ATG2A: variants seen among roughly 807,000 people sequenced by gnomAD.
The protein encoded by ATG2A is autophagy-related protein 2 homolog A.
Under a neutral mutation model 214.2 loss-of-function variants are expected in ATG2A, and 103 were observed. The observed-to-expected ratio is 0.48, with a 90% CI of 0.41 to 0.57. The LOEUF (loss-of-function observed/expected upper bound fraction) is 0.57, where lower values mean the gene tolerates loss of function less well. ATG2A is among the 20% of genes least tolerant of loss of function. ATG2A has a pLI of 0.00. For synonymous variants in ATG2A, 1,160 were observed against 1,142.1 expected, an observed-to-expected ratio of 1.02 and a Z score of -0.32; for missense variants, 2,312 against 2,613.2, an observed-to-expected ratio of 0.88 and a Z score of 2.51.
intron 9 of ATG2A, 106 bp downstream of exon 9, chr11:64,911,736 T>C: frequency 1.4e-6 from 2 of 1,470,590 alleles, no homozygotes; most frequent in Non-Finnish European, 1.8e-6. Flanking sequence ...ATGGTAGATA[T>C]CCAGGCATCG....
chr11:64,907,364 C>A lies in ATG2A; in HGVS notation c.2723G>T (p.Gly908Val). ...DAHFFSVGAS[G>V]GPQAAAPEAP... ...CTCAGGGGCAGCGGCCTGTGGGCCA[C>A]CTGATGCCCCCACTGAGAAGAAGTG... is the stretch of plus-strand genomic sequence containing the variant. The change falls in exon 19 of 41, where the codon GGT (glycine) becomes GTT (valine). Residue 908 changes from glycine to valine, a missense_variant. Physicochemically the swap from Gly to Val is moderately radical, Grantham distance 109. Transcript: ENST00000377264. 1 of 1,560,482 alleles carries A rather than the reference C, an allele frequency of 6.4e-7. No homozygotes were observed. The highest frequency in any genetic ancestry group is 8.7e-7 in the Non-Finnish European group (1 of 1,152,526).
Position 64,911,150 on chromosome 11 carries a change from C to A in ATG2A, c.1354G>T (p.Ala452Ser). The change falls in exon 10 of 41, where the codon GCC (alanine) becomes TCC (serine). Residue 452 changes from alanine to serine, a missense_variant. Transcript: ENST00000377264. ...SAPSSGPPDL[A>S]THFFTEFDAT... ...TCAAACTCGGTGAAAAAGTGCGTGG[C>A]GAGGTCAGGTGGTCCGGAAGATGGG... The A allele has an allele frequency of 6.2e-7, 1 of 1,614,092 alleles. No homozygotes were observed. Among genetic ancestry groups the A allele is most frequent in the South Asian group, 1.1e-5 (1 of 91,086 alleles).
At chr11:64,910,578 C>G (rs1944730210) in intron 12 of ATG2A, 38 bp downstream of exon 12, 4 of 1,565,236 alleles carry the variant, frequency 2.6e-6, no homozygotes, top group Non-Finnish European at 3.5e-6. Context: ...GTCAACACGC[C>G]ATGGGGACAG....
chr11:64,914,302 C>G, intron 2 of ATG2A, 36 bp downstream of exon 2: 1 of 1,565,780 alleles, frequency 6.4e-7, no homozygotes, highest in Non-Finnish European at 8.7e-7. Context: ...GCCCACTCTC[C>G]CCACTTGCCT....
In ATG2A at chr11:64,904,486, A is replaced by G. The variant is rs1944467812; in HGVS notation, c.3465-826T>C. On this transcript the variant is annotated intron_variant, in intron 24 of 40. Coordinates refer to ENST00000377264, the MANE Select transcript of ATG2A (RefSeq NM_015104.3). The stretch of plus-strand genomic sequence containing the variant: ...CTTGAACCCAGGAGGCAGAGGTTGC[A>G]GTCGGCTGAGATTGCGCCACTGCAC... 2.0e-5 allele frequency among the ~76,000 whole-genome samples: 3 copies of G among 152,072 alleles called. No homozygotes were observed. In the South Asian group the frequency reaches 6.2e-4, roughly 32 times the overall value.
Position 64,903,300 on chromosome 11 carries a change from G to A in ATG2A, c.3600C>T (p.Thr1200=), listed in dbSNP as rs145075513. 75 of 1,613,848 alleles carry A rather than the reference G, an allele frequency of 4.6e-5. 1 individual carries two copies. In the Middle Eastern group the frequency reaches 6.6e-4, roughly 14 times the overall value. Reference sequence around the variant, plus strand: ...CAGCCTCACTCACCAGTTTGCCCTCGGTGCTCCCTTTCCAGGTTTTAATCA... The same window carrying A: ...CAGCCTCACTCACCAGTTTGCCCTCAGTGCTCCCTTTCCAGGTTTTAATCA... ...ELVIKTWKGS[T]EGKLSQPLFE... The change falls in exon 26 of 41, where the codon ACC becomes ACT. Residue 1200 remains threonine, a synonymous_variant. Coordinates refer to ENST00000377264, the MANE Select transcript of ATG2A (RefSeq NM_015104.3). This position sits in a 1 kb window ranked among gnomAD's most constrained non-coding sequence, Gnocchi z 4.2.
chr11:64,902,649 T>C lies in ATG2A; in HGVS notation c.3644A>G (p.Asn1215Ser), dbSNP rs931117393. Residue 1215 changes from asparagine to serine, a missense_variant, in exon 27 of 41, where the codon AAC (asparagine) becomes AGC (serine). By Grantham distance (46) the Asn-to-Ser change is conservative. Coordinates refer to ENST00000377264, the MANE Select transcript of ATG2A (RefSeq NM_015104.3). ...ACAGCTGTGCACGTGTACCACATTGTTGGAGCAGCGCAGCTCGAATAGTGG... is the reference window on the plus strand; with the variant it reads ...ACAGCTGTGCACGTGTACCACATTGCTGGAGCAGCGCAGCTCGAATAGTGG... ...SQPLFELRCS[N>S]NVVHVHSCAD... 8.1e-6 allele frequency: 13 copies of C among 1,610,950 alleles called. No homozygotes were observed. The Admixed American group carries it at 1.0e-4, about 12-fold the overall frequency.
chr11:64,915,162 C>T (rs1944934818), intron 1 of ATG2A, among the ~76,000 whole-genome samples: 1 of 124,938 alleles, frequency 8.0e-6, no homozygotes, highest in South Asian at 2.9e-4. Context: ...ACCCCAAACA[C>T]CTAGTGTAGC....
In ATG2A at chr11:64,900,994, C is replaced by T. The variant is rs754515106; in HGVS notation, c.4218G>A (p.Leu1406=). Residue 1406 remains leucine (L), a synonymous_variant, in exon 30 of 41, where the codon CTG becomes CTA. Transcript: ENST00000377264. ...GCACTGGGAAATGGGCAGGTGCCCG[C>T]AGCAAGTCCGTGCTGCCGATCGGCC... ...FSRPIGSTDL[L]RAPAHFPVPS... 2.5e-6 allele frequency: 4 copies of T among 1,589,956 alleles called. No homozygotes were observed. Among genetic ancestry groups the T allele is most frequent in the Non-Finnish European group, 3.4e-6 (4 of 1,168,488 alleles).
chr11:64,914,628 C>T, intron 1 of ATG2A, 128 bp from the exon 2 acceptor site: 4 of 1,223,760 alleles, frequency 3.3e-6, no homozygotes, highest in Non-Finnish European at 4.5e-6. Flanking sequence ...GTGTTATCTA[C>T]AAGGTCCCAC....
rs755099908 is a variant in ATG2A, at chr11:64,906,744, G to A, written c.2904C>T (p.Phe968=). ...LVLDMEHGTL[F]SVSQYCGQPG... The stretch of plus-strand genomic sequence containing the variant: ...GCTGGCCACAGTACTGGGAGACGCT[G>A]AAGAGGGTACCGTGCTCCATGTCCA... The change falls in exon 20 of 41, where the codon TTC becomes TTT. Residue 968 remains phenylalanine, a synonymous_variant. Transcript: ENST00000377264. 1 of 1,613,620 alleles carries A rather than the reference G, an allele frequency of 6.2e-7. No individual in the cohort carries two copies. The highest frequency in any genetic ancestry group is 1.3e-5 in the African/African-American group (1 of 75,040).
chr11:64,906,390 G>A lies in ATG2A; in HGVS notation c.3127C>T (p.Pro1043Ser), dbSNP rs149394894. Residue 1043 changes from proline to serine, a missense_variant, in exon 21 of 41, where the codon CCC becomes TCC. Pro to Ser is a moderately conservative substitution (Grantham distance 74). Transcript: ENST00000377264. ...CGCACAGCAGTGGACAACATGTGGG[G>A]TCCCCGGCCCTGGCCCTTGCGGCCC... is the stretch of plus-strand genomic sequence containing the variant. ...ASGRKGQGRG[P>S]HMLSTAVRIH... The A allele has an allele frequency of 3.9e-4, 633 of 1,613,304 alleles. 2 individuals are homozygous for A. In the East Asian group the frequency reaches 9.6e-3, roughly 24 times the overall value.
rs750215897 is a variant in ATG2A at position 64,903,204 on chromosome 11, C to T, written c.3612+84G>A. On this transcript the variant is annotated intron_variant, in intron 26 of 40. Coordinates refer to ENST00000377264, the MANE Select transcript of ATG2A (RefSeq NM_015104.3). The surrounding 1 kb of genome is among the most constrained non-coding windows in gnomAD (Gnocchi z 4.2). ...ATGAACTGTGTCCGGAGCCCAGGCA[C>T]GTGAGGGAGCAGCAGCCCCTGAAGA... is the stretch of plus-strand genomic sequence containing the variant. 3.3e-5 allele frequency: 44 copies of T among 1,318,214 alleles called. No individual in the cohort carries two copies. Among genetic ancestry groups the T allele is most frequent in the East Asian group, 7.0e-5 (3 of 42,976 alleles). 81.7% of individuals were successfully genotyped at this position (1,318,214 alleles called of 1,614,324 possible).
In ATG2A at chr11:64,903,230, C is replaced by T; in HGVS notation, c.3612+58G>A. On this transcript the variant is annotated intron_variant, in intron 26 of 40. Coordinates refer to ENST00000377264, the MANE Select transcript of ATG2A (RefSeq NM_015104.3). The surrounding 1 kb of genome is among the most constrained non-coding windows in gnomAD (Gnocchi z 4.2). ...GTGAGGGAGCAGCAGCCCCTGAAGA[C>T]TCCCTTGGCCCCTGCACCTGCTGTG... 6.5e-7 allele frequency: 1 copy of T among 1,535,594 alleles called. No homozygotes were observed. The highest frequency in any genetic ancestry group is 9.0e-7 in the Non-Finnish European group (1 of 1,111,688).
chr11:64,914,265 A>G, intron 2 of ATG2A, 32 bp from the exon 3 acceptor site: 1 of 1,550,404 alleles, frequency 6.4e-7, no homozygotes, highest in Non-Finnish European at 8.7e-7. Context: ...CAAGGCAGGC[A>G]GGCCCAGTCA....
chr11:64,905,529 G>A, intron 24 of ATG2A, 34 bp downstream of exon 24: 1 of 1,589,078 alleles, frequency 6.3e-7, no homozygotes, highest in South Asian at 1.1e-5. Context: ...GCCCGGCGAG[G>A]GTGGGATGGC....
At chr11:64,912,282 T>TGGCCCC in intron 7 of ATG2A, 33 bp from the exon 8 acceptor site, 1 of 1,608,478 alleles carries the variant, frequency 6.2e-7, no homozygotes, top group Non-Finnish European at 8.5e-7. Context: ...CTGGGCTGGC[T>TGGCCCC]GGCCCTCCCA....
At chr11:64,906,221 T>C (rs1944541631) in intron 21 of ATG2A, 28 bp from the exon 22 acceptor site, 3 of 1,611,088 alleles carry the variant, frequency 1.9e-6, no homozygotes, top group African/African-American at 2.7e-5. Flanking sequence ...GTCAGGGCAG[T>C]GGGGAGGCCA....
intron 31 of ATG2A, among the ~76,000 whole-genome samples, chr11:64,899,358 C>T (rs903230982): frequency 1.5e-4 from 23 of 152,126 alleles, no homozygotes; most frequent in Non-Finnish European, 1.9e-4. Flanking sequence ...AGCCCCTCTC[C>T]GTGGAGAGCC....
Sources: gnomAD v4.1 joint callset for allele counts (sites outside exome capture counted in the v4.1 genomes callset) on GRCh38, gnomAD v4.1.1 for gene constraint, Gnocchi (gnomAD v3.1) non-coding constraint, MANE v1.5 for transcripts, NCBI Gene and HGNC (gene_info 2026-07-23, HGNC 2026-07-21) for gene names.